SLC25A21: variants seen among roughly 807,000 people sequenced by gnomAD.
The protein encoded by SLC25A21 is solute carrier family 25 member 21.
SLC25A21 carries 47 observed loss-of-function variants against 43.8 expected under a neutral mutation model. That is an observed-to-expected ratio of 1.07 (90% CI 0.85 to 1.37). The LOEUF is 1.37. SLC25A21 is among the 40% of genes most tolerant of loss of function. The pLI is 0.00. For synonymous variants in SLC25A21, 131 were observed against 121.3 expected, an observed-to-expected ratio of 1.08 and a Z score of -0.52; for missense variants, 352 against 350.2, an observed-to-expected ratio of 1.00 and a Z score of -0.04.
intron 1 of SLC25A21, among the ~76,000 whole-genome samples, chr14:36,922,900 A>G (rs940579657): frequency 6.6e-6 from 1 of 152,208 alleles, no homozygotes; most frequent in African/African-American, 2.4e-5. Flanking sequence ...AGTGAAATCC[A>G]GACCCTCAAC....
chr14:37,104,865 C>T (rs1962883047), intron 1 of SLC25A21, among the ~76,000 whole-genome samples: 1 of 152,162 alleles, frequency 6.6e-6, no homozygotes, highest in Non-Finnish European at 1.5e-5. Flanking sequence ...AAGGGAACAG[C>T]CCACCCATCT....
intron 2 of SLC25A21, among the ~76,000 whole-genome samples, chr14:36,868,815 T>C (rs781550118): frequency 1.3e-4 from 20 of 152,228 alleles, no homozygotes; most frequent in Non-Finnish European, 2.5e-4. Flanking sequence ...CAGACTTCCC[T>C]GGGTTCAGCA....
At chr14:36,695,456 C>G (rs922564517) in intron 7 of SLC25A21, among the ~76,000 whole-genome samples, 1 of 152,028 alleles carries the variant, frequency 6.6e-6, no homozygotes, top group Non-Finnish European at 1.5e-5. Flanking sequence ...AGAAAGTCAT[C>G]GGTAGCTTGA....
chr14:36,847,683 C>T (rs1382557571), intron 2 of SLC25A21, among the ~76,000 whole-genome samples: 2 of 152,008 alleles, frequency 1.3e-5, no homozygotes, highest in African/African-American at 2.4e-5. Context: ...TTGAGAAGGG[C>T]GTGCCATGTT....
In SLC25A21 at chr14:36,994,351, C is replaced by T. The variant is rs1237694815; in HGVS notation, c.71-119347G>A. On this transcript the variant is annotated intron_variant, in intron 1 of 9. Coordinates refer to ENST00000331299, the MANE Select transcript of SLC25A21 (RefSeq NM_030631.4). The stretch of plus-strand genomic sequence containing the variant: ...TATAGAAAAAGGGAGGAATCGATTT[C>T]CTTGTGGGAAGGAAGAGAATAAGGT... 2.6e-5 allele frequency among the ~76,000 whole-genome samples: 4 copies of T among 152,152 alleles called. No homozygotes were observed. In the East Asian group the frequency reaches 7.7e-4, roughly 29 times the overall value.
intron 5 of SLC25A21, among the ~76,000 whole-genome samples, chr14:36,729,032 T>C (rs1206686160): frequency 6.6e-6 from 1 of 152,184 alleles, no homozygotes; most frequent in African/African-American, 2.4e-5. Flanking sequence ...CTTAGCTGAG[T>C]TGTTTACAGT....
chr14:36,836,831 T>G (rs942975502), intron 2 of SLC25A21, among the ~76,000 whole-genome samples: 4 of 152,192 alleles, frequency 2.6e-5, no homozygotes, highest in African/African-American at 4.8e-5. Context: ...TTTGGTTTTG[T>G]TCTAAGAGAT....
At chr14:37,133,049 G>T (rs1445402676) in intron 1 of SLC25A21, among the ~76,000 whole-genome samples, 1 of 151,952 alleles carries the variant, frequency 6.6e-6, no homozygotes, top group Non-Finnish European at 1.5e-5. Context: ...GGCTATGAAT[G>T]GGGGGATCTT....
intron 2 of SLC25A21, among the ~76,000 whole-genome samples, chr14:36,830,309 G>T (rs1265444272): frequency 1.3e-5 from 2 of 152,202 alleles, no homozygotes; most frequent in Non-Finnish European, 2.9e-5. Context: ...ATCTGGATGA[G>T]AAATTATTAC....
chr14:36,955,073 T>C (rs1479380472), intron 1 of SLC25A21, among the ~76,000 whole-genome samples: 2 of 152,208 alleles, frequency 1.3e-5, no homozygotes, highest in African/African-American at 4.8e-5. Context: ...CTGAAAGTTA[T>C]CTGTCTGATG....
intron 1 of SLC25A21, among the ~76,000 whole-genome samples, chr14:36,875,762 A>G (rs903228836): frequency 1.3e-5 from 2 of 152,220 alleles, no homozygotes; most frequent in Admixed American, 1.3e-4. Context: ...TGAAAGAACT[A>G]TAACTTCTTG....
intron 1 of SLC25A21, among the ~76,000 whole-genome samples, chr14:37,080,820 A>G (rs1427657160): frequency 6.6e-6 from 1 of 152,206 alleles, no homozygotes; most frequent in Non-Finnish European, 1.5e-5. Flanking sequence ...TAATCAAGAT[A>G]TCTCATAGAA....
chr14:37,059,558 A>T (rs188319844), intron 1 of SLC25A21, among the ~76,000 whole-genome samples: 2 of 152,270 alleles, frequency 1.3e-5, no homozygotes, highest in South Asian at 2.1e-4. Flanking sequence ...GGGTTTTTTT[A>T]AATACAGTGT....
intron 6 of SLC25A21, among the ~76,000 whole-genome samples, chr14:36,716,784 G>T (rs1458283094): frequency 6.6e-6 from 1 of 152,158 alleles, no homozygotes; most frequent in Non-Finnish European, 1.5e-5. Flanking sequence ...AGCAGGCATT[G>T]TTCCCTGGGT....
At chr14:37,122,575 T>C (rs1333922519) in intron 1 of SLC25A21, among the ~76,000 whole-genome samples, 3 of 152,212 alleles carry the variant, frequency 2.0e-5, no homozygotes, top group Non-Finnish European at 4.4e-5. Flanking sequence ...TAGTGCTGTA[T>C]ACAACCAGAG....
intron 3 of SLC25A21, among the ~76,000 whole-genome samples, chr14:36,806,372 G>A: frequency 6.6e-6 from 1 of 152,114 alleles, no homozygotes. Context: ...AGCTAGGAGA[G>A]ATGTTTAATG....
chr14:36,998,264 T>C (rs1960414643), intron 1 of SLC25A21, among the ~76,000 whole-genome samples: 1 of 152,208 alleles, frequency 6.6e-6, no homozygotes, highest in African/African-American at 2.4e-5. Flanking sequence ...CTTACACTTA[T>C]TTGATCAGAG....
chr14:36,834,097 T>A (rs1312163244), intron 2 of SLC25A21, among the ~76,000 whole-genome samples: 2 of 152,188 alleles, frequency 1.3e-5, no homozygotes, highest in African/African-American at 2.4e-5. Context: ...TGGATTAATT[T>A]TGTAATAGTG....
intron 2 of SLC25A21, among the ~76,000 whole-genome samples, chr14:36,866,721 A>G (rs975565529): frequency 5.9e-5 from 9 of 152,178 alleles, no homozygotes; most frequent in African/African-American, 1.9e-4. Flanking sequence ...TGTCTAATCC[A>G]GGGACCTCTA....
Sources: allele counts gnomAD v4.1 joint callset (sites outside exome capture counted in the v4.1 genomes callset), GRCh38; gene constraint gnomAD v4.1.1; transcripts MANE v1.5; gene names NCBI Gene and HGNC (gene_info 2026-07-23, HGNC 2026-07-21).